The following CNTN5 variants were observed in gnomAD, a reference collection of about 807,000 sequenced individuals.
CNTN5 encodes contactin-5.
In CNTN5, 77 loss-of-function variants were observed where a neutral mutation model predicts 129.1. The observed-to-expected ratio is 0.60, with a 90% CI of 0.50 to 0.72. The LOEUF is 0.72. Among genes scored for constraint, CNTN5 ranks in the 30% least tolerant of loss-of-function variants. The pLI, the probability that CNTN5 is intolerant of heterozygous loss-of-function variation, is 0.00. For synonymous variants in CNTN5, 509 were observed against 465.6 expected, an observed-to-expected ratio of 1.09 and a Z score of -1.20; for missense variants, 1,478 against 1,328.8, an observed-to-expected ratio of 1.11 and a Z score of -1.75.
chr11:100,068,063 G>A (rs566912130), intron 10 of CNTN5, among the ~76,000 whole-genome samples: 1 of 151,804 alleles, frequency 6.6e-6, no homozygotes, highest in East Asian at 1.9e-4. Flanking sequence ...AATCTCTTTT[G>A]AAGTTATTTT....
chr11:99,167,277 A>C (rs1860918398), intron 1 of CNTN5, among the ~76,000 whole-genome samples: 1 of 152,150 alleles, frequency 6.6e-6, no homozygotes, highest in South Asian at 2.1e-4. Flanking sequence ...CTCATAATTT[A>C]GTGTTAAAAG....
intron 15 of CNTN5, among the ~76,000 whole-genome samples, chr11:100,204,339 T>TATATATAA (rs1948868137): frequency 2.7e-5 from 3 of 112,306 alleles, no homozygotes; most frequent in Admixed American, 8.8e-5. Context: ...TATATATATA[T>TATATATAA]ATATAATTAT....
At chr11:99,972,657 G>A (rs954339075) in intron 8 of CNTN5, among the ~76,000 whole-genome samples, 1 of 152,114 alleles carries the variant, frequency 6.6e-6, no homozygotes, top group Admixed American at 6.5e-5. Context: ...AATTTCCGAA[G>A]AGAATGAAAT....
chr11:99,331,682 T>G (rs1187161327), intron 2 of CNTN5, among the ~76,000 whole-genome samples: 5 of 152,160 alleles, frequency 3.3e-5, no homozygotes, highest in Non-Finnish European at 7.4e-5. Flanking sequence ...CAGTTTAACA[T>G]TTTAGTAAAT....
At chr11:100,318,849 T>A (rs1490573045) in intron 21 of CNTN5, among the ~76,000 whole-genome samples, 1 of 152,080 alleles carries the variant, frequency 6.6e-6, no homozygotes, top group African/African-American at 2.4e-5. Flanking sequence ...AAATCTATAT[T>A]TAGCATTGTA....
chr11:99,202,484 A>C (rs1218539851), intron 1 of CNTN5, among the ~76,000 whole-genome samples: 1 of 152,178 alleles, frequency 6.6e-6, no homozygotes, highest in African/African-American at 2.4e-5. Flanking sequence ...TTGCTACCAG[A>C]AGTGCAGGAA....
chr11:99,904,997 T>C (rs1432231516), intron 6 of CNTN5, among the ~76,000 whole-genome samples: 1 of 152,052 alleles, frequency 6.6e-6, no homozygotes, highest in Admixed American at 6.5e-5. Flanking sequence ...TTGTCTGTTC[T>C]TTTCTTGTAA....
At chr11:99,077,515 C>T (rs190415146) in intron 1 of CNTN5, among the ~76,000 whole-genome samples, 7 of 152,202 alleles carry the variant, frequency 4.6e-5, no homozygotes, top group South Asian at 2.1e-4. Flanking sequence ...AGATTTCTTA[C>T]GGAGATAGAA....
chr11:99,459,182 A>G (rs991729112), intron 2 of CNTN5, among the ~76,000 whole-genome samples: 5 of 152,020 alleles, frequency 3.3e-5, no homozygotes, highest in Admixed American at 6.6e-5. Context: ...AAAAAGAAAG[A>G]AATGATAGTT....
At chr11:99,711,986 G>C (rs1955010586) in intron 3 of CNTN5, among the ~76,000 whole-genome samples, 1 of 151,924 alleles carries the variant, frequency 6.6e-6, no homozygotes, top group Non-Finnish European at 1.5e-5. Context: ...TAATCCTTTG[G>C]GTATATACCC....
At chr11:100,341,283 T>C in intron 23 of CNTN5, 78 bp downstream of exon 23, 1 of 1,047,332 alleles carries the variant, frequency 9.5e-7, no homozygotes, top group Non-Finnish European at 1.5e-6. Flanking sequence ...TAATAAGGCA[T>C]AAAAAGACCC....
At chr11:99,353,982 A>G (rs1938471950) in intron 2 of CNTN5, among the ~76,000 whole-genome samples, 1 of 152,176 alleles carries the variant, frequency 6.6e-6, no homozygotes, top group Non-Finnish European at 1.5e-5. Flanking sequence ...CCAGATTGGC[A>G]TGATGATATT....
chr11:99,967,964 A>G (rs776835222), intron 8 of CNTN5, among the ~76,000 whole-genome samples: 1 of 152,222 alleles, frequency 6.6e-6, no homozygotes, highest in African/African-American at 2.4e-5. Flanking sequence ...AGTAAAAATG[A>G]TGGAAAATAA....
chr11:99,930,130 A>C (rs970925979), intron 7 of CNTN5, among the ~76,000 whole-genome samples: 2 of 152,058 alleles, frequency 1.3e-5, no homozygotes, highest in African/African-American at 4.8e-5. Flanking sequence ...GGCCACATGC[A>C]TCATTTGGTG....
chr11:100,353,244 T>A (rs1454449562), intron 24 of CNTN5, among the ~76,000 whole-genome samples: 1 of 151,566 alleles, frequency 6.6e-6, no homozygotes, highest in East Asian at 1.9e-4. Context: ...GGGAAACTCT[T>A]ACACTATTGT....
intron 1 of CNTN5, among the ~76,000 whole-genome samples, chr11:99,184,448 G>GA (rs1247290214): frequency 6.6e-6 from 1 of 152,014 alleles, no homozygotes; most frequent in Non-Finnish European, 1.5e-5. Flanking sequence ...ACTGCTATGG[G>GA]AAATCTTCTC....
At chr11:100,183,421 A>G (rs866174308) in intron 13 of CNTN5, among the ~76,000 whole-genome samples, 16 of 152,314 alleles carry the variant, frequency 1.1e-4, no homozygotes, top group Admixed American at 2.6e-4. Flanking sequence ...ACTCAGCAAT[A>G]AAAGGAAGTG....
chr11:99,775,651 G>A (rs1270939008), intron 3 of CNTN5, among the ~76,000 whole-genome samples: 1 of 151,846 alleles, frequency 6.6e-6, no homozygotes, highest in Non-Finnish European at 1.5e-5. Context: ...AAAACTATTG[G>A]ATGTATTAGA....
intron 9 of CNTN5, among the ~76,000 whole-genome samples, chr11:100,018,429 A>G (rs1283372045): frequency 6.6e-6 from 1 of 151,874 alleles, no homozygotes; most frequent in Non-Finnish European, 1.5e-5. Flanking sequence ...TTTGACCGAG[A>G]GTGGGAGAGT....
Sources: allele counts gnomAD v4.1 joint callset (sites outside exome capture counted in the v4.1 genomes callset), GRCh38; gene constraint gnomAD v4.1.1; transcripts MANE v1.5; gene names NCBI Gene and HGNC (gene_info 2026-07-23, HGNC 2026-07-21).